The following RABGAP1L variants were observed in gnomAD, a reference collection of about 807,000 sequenced individuals.
RABGAP1L encodes the protein RAB GTPase activating protein 1 like.
A neutral mutation model predicts 137.7 loss-of-function variants in RABGAP1L; 63 were observed. The observed-to-expected ratio is 0.46, with a 90% CI of 0.37 to 0.56. The LOEUF (loss-of-function observed/expected upper bound fraction) is 0.56. Among genes scored for constraint, RABGAP1L ranks in the 20% least tolerant of loss-of-function variants. RABGAP1L has a pLI of 0.00. For missense variants in RABGAP1L, 1,095 were observed against 1,244.0 expected (o/e 0.88, Z 1.80); for synonymous variants, 431 against 433.7 (o/e 0.99, Z 0.08).
chr1:174,715,648 ACG>A (rs761908882), intron 17 of RABGAP1L, among the ~76,000 whole-genome samples: 5 of 152,244 alleles, frequency 3.3e-5, no homozygotes, highest in Non-Finnish European at 5.9e-5. Context: ...ACATGGGCAG[ACG>A]CTGTGATTAT....
intron 13 of RABGAP1L, among the ~76,000 whole-genome samples, chr1:174,618,601 C>G (rs1672135494): frequency 6.6e-6 from 1 of 152,182 alleles, no homozygotes; most frequent in African/African-American, 2.4e-5. Context: ...AGAAGAAAAA[C>G]TAACAAACAG....
At chr1:174,937,618 A>AT (rs1229035378) in intron 19 of RABGAP1L, among the ~76,000 whole-genome samples, 7 of 131,474 alleles carry the variant, frequency 5.3e-5, no homozygotes, top group South Asian at 2.3e-4. Flanking sequence ...ATACTTCATT[A>AT]AATATATATA....
intron 13 of RABGAP1L, among the ~76,000 whole-genome samples, chr1:174,439,929 TTATAAAC>T (rs1020964789): frequency 6.6e-6 from 1 of 152,200 alleles, no homozygotes; most frequent in Non-Finnish European, 1.5e-5. Flanking sequence ...AAGTAAATAA[TTATAAAC>T]TATAATATGT....
intron 14 of RABGAP1L, among the ~76,000 whole-genome samples, chr1:174,666,984 G>T (rs1387850648): frequency 1.4e-5 from 1 of 73,548 alleles, no homozygotes. Flanking sequence ...CAGTTACAAG[G>T]CAAAAAAAAA....
intron 19 of RABGAP1L, among the ~76,000 whole-genome samples, chr1:174,823,692 A>C (rs1193912104): frequency 6.6e-6 from 1 of 152,236 alleles, no homozygotes; most frequent in East Asian, 1.9e-4. Flanking sequence ...TGTGTACTTC[A>C]AAATAGAAGA....
intron 18 of RABGAP1L, among the ~76,000 whole-genome samples, chr1:174,758,449 C>T (rs1299620341): frequency 2.0e-5 from 3 of 152,016 alleles, no homozygotes; most frequent in Non-Finnish European, 4.4e-5. Context: ...ACCGCCCTCC[C>T]ACCCTTTCCC....
At chr1:174,930,061 C>G (rs1389213327) in intron 19 of RABGAP1L, among the ~76,000 whole-genome samples, 1 of 149,696 alleles carries the variant, frequency 6.7e-6, no homozygotes, top group Non-Finnish European at 1.5e-5. Context: ...GTTGCTCTGG[C>G]TGGTCTCAAA....
chr1:174,840,197 A>G (rs909242261), intron 19 of RABGAP1L, among the ~76,000 whole-genome samples: 5 of 152,238 alleles, frequency 3.3e-5, no homozygotes, highest in Non-Finnish European at 7.3e-5. Flanking sequence ...TTGGCAAAAA[A>G]TAAATTCTAG....
chr1:174,877,517 TG>T (rs779023959), intron 19 of RABGAP1L: 9 of 1,614,150 alleles, frequency 5.6e-6, no homozygotes, highest in Non-Finnish European at 7.6e-6. Context: ...ATCTCCATTA[TG>T]GTAGCCTATG....
Position 174,256,006 on chromosome 1 carries a change from G to A in RABGAP1L, c.986+3416G>A, listed in dbSNP as rs1673094019. ...ATACTTATCAACATACGTGAATTTA[G>A]CATTCATACACAACTTTTAATCTAA... On this transcript the variant is annotated intron_variant, in intron 7 of 25. Coordinates refer to ENST00000681986, the MANE Select transcript of RABGAP1L (RefSeq NM_001366446.1). Among the ~76,000 whole-genome samples the A allele has an allele frequency of 2.0e-5, 3 of 152,172 alleles. No individual in the cohort carries two copies. The South Asian group carries it at 6.2e-4, about 32-fold the overall frequency.
chr1:174,704,445 C>G (rs1430801355), intron 17 of RABGAP1L, among the ~76,000 whole-genome samples: 1 of 152,204 alleles, frequency 6.6e-6, no homozygotes, highest in Non-Finnish European at 1.5e-5. Context: ...CAAGGCTGGT[C>G]TTTTGCTCTT....
intron 11 of RABGAP1L, among the ~76,000 whole-genome samples, chr1:174,365,522 T>C (rs185039755): frequency 1.3e-5 from 2 of 152,218 alleles, no homozygotes; most frequent in East Asian, 1.9e-4. Context: ...CTGCGATGGA[T>C]GTTTCCCTGC....
intron 13 of RABGAP1L, among the ~76,000 whole-genome samples, chr1:174,555,515 A>G (rs995003000): frequency 1.3e-5 from 2 of 151,414 alleles, no homozygotes; most frequent in African/African-American, 4.9e-5. Flanking sequence ...TTATTATGTA[A>G]CAAGAAAAAT....
At chr1:174,573,108 C>CTA (rs1668105769) in intron 13 of RABGAP1L, among the ~76,000 whole-genome samples, 1 of 151,802 alleles carries the variant, frequency 6.6e-6, no homozygotes, top group African/African-American at 2.4e-5. Context: ...AAATCATTGA[C>CTA]TTTAGTGTGT....
chr1:174,227,838 T>C (rs1670313503), intron 3 of RABGAP1L, among the ~76,000 whole-genome samples: 1 of 150,896 alleles, frequency 6.6e-6, no homozygotes, highest in African/African-American at 2.5e-5. Context: ...TTAGAAGTTC[T>C]ACAAAATACT....
At chr1:174,161,374 C>T (rs1042683099) in intron 1 of RABGAP1L, among the ~76,000 whole-genome samples, 12 of 152,028 alleles carry the variant, frequency 7.9e-5, no homozygotes, top group Non-Finnish European at 1.2e-4. Flanking sequence ...TTTTGTGTAG[C>T]TGGGACTACA....
chr1:174,950,466 G>T lies in RABGAP1L; in HGVS notation c.2341-6991G>T, dbSNP rs138425004. 7.0e-4 allele frequency among the ~76,000 whole-genome samples: 106 copies of T among 152,254 alleles called. No individual in the cohort carries two copies. The East Asian group carries it at 0.02, about 29-fold the overall frequency. On this transcript the variant is annotated intron_variant, in intron 19 of 25. Transcript: ENST00000681986. ...GGATTAAGTGAAGCCTATAGGGCGT[G>T]TTCCTCCTCTTGATGGATGCCTTCT...
chr1:174,956,650 CT>C (rs749236387), intron 19 of RABGAP1L, among the ~76,000 whole-genome samples: 190 of 139,702 alleles, frequency 1.4e-3, no homozygotes, highest in Admixed American at 1.7e-3. Flanking sequence ...CTCTTCTCTT[CT>C]TTTTTTTTTT....
chr1:174,302,912 G>A (rs752970664), intron 10 of RABGAP1L, among the ~76,000 whole-genome samples: 16 of 152,090 alleles, frequency 1.1e-4, no homozygotes, highest in Non-Finnish European at 1.9e-4. Context: ...ATCAAAGTAT[G>A]ATCAGTCAGT....
Sources: allele counts gnomAD v4.1 joint callset (sites outside exome capture counted in the v4.1 genomes callset), GRCh38; gene constraint gnomAD v4.1.1; transcripts MANE v1.5; gene names NCBI Gene and HGNC (gene_info 2026-07-23, HGNC 2026-07-21).